The following SDK1 variants were observed in gnomAD, a reference collection of about 807,000 sequenced individuals.
SDK1 encodes sidekick cell adhesion molecule 1, also known as protein sidekick-1.
Under a neutral mutation model 245.5 loss-of-function variants are expected in SDK1, and 157 were observed. The observed-to-expected ratio is 0.64, with a 90% CI of 0.56 to 0.73. The LOEUF is 0.73. Among genes scored for constraint, SDK1 ranks in the 30% least tolerant of loss-of-function variants. SDK1 has a pLI of 0.00. For missense variants in SDK1, 3,583 were observed against 3,002.3 expected (o/e 1.19, Z -4.52); for synonymous variants, 1,647 against 1,278.5 (o/e 1.29, Z -6.15).
intron 4 of SDK1, among the ~76,000 whole-genome samples, chr7:3,764,166 T>A (rs1051045482): frequency 1.3e-5 from 2 of 152,142 alleles, no homozygotes; most frequent in Admixed American, 1.3e-4. Context: ...TCTCATTCTG[T>A]TGTGAATGGG....
chr7:3,762,168 C>A (rs1319618918), intron 4 of SDK1, among the ~76,000 whole-genome samples: 2 of 152,158 alleles, frequency 1.3e-5, no homozygotes, highest in African/African-American at 2.4e-5. Flanking sequence ...CTAAATACTC[C>A]TACAACAATC....
intron 1 of SDK1, among the ~76,000 whole-genome samples, chr7:3,529,403 T>C (rs1317581069): frequency 6.6e-6 from 1 of 152,148 alleles, no homozygotes; most frequent in African/African-American, 2.4e-5. Context: ...TGCTAGAAAG[T>C]AAGGAAACAC....
chr7:4,082,508 C>T (rs2128179821), intron 22 of SDK1, among the ~76,000 whole-genome samples: 1 of 148,068 alleles, frequency 6.8e-6, no homozygotes, highest in East Asian at 2.0e-4. Flanking sequence ...GTACTTCAGC[C>T]TGGGCAACAG....
chr7:4,066,609 C>T (rs1379399771), intron 19 of SDK1, among the ~76,000 whole-genome samples: 5 of 152,220 alleles, frequency 3.3e-5, no homozygotes, highest in Non-Finnish European at 5.9e-5. Context: ...CACCTATCTC[C>T]TCCAGATAGC....
intron 5 of SDK1, among the ~76,000 whole-genome samples, chr7:3,918,662 C>A (rs572568939): frequency 2.0e-5 from 3 of 152,148 alleles, no homozygotes; most frequent in South Asian, 4.2e-4. Flanking sequence ...ATCCCCCCGA[C>A]ATTGGTAGAA....
intron 4 of SDK1, among the ~76,000 whole-genome samples, chr7:3,771,037 C>G (rs888705970): frequency 6.6e-6 from 1 of 152,092 alleles, no homozygotes; most frequent in African/African-American, 2.4e-5. Flanking sequence ...CTTTGTTTGT[C>G]CCTTGCACTA....
At chr7:3,626,424 C>T (rs1782123455) in intron 2 of SDK1, among the ~76,000 whole-genome samples, 1 of 152,234 alleles carries the variant, frequency 6.6e-6, no homozygotes, top group Non-Finnish European at 1.5e-5. Context: ...ATTTTTCTTA[C>T]TGGACCAAGT....
chr7:3,946,687 G>A (rs987598868), intron 5 of SDK1, among the ~76,000 whole-genome samples: 17 of 152,104 alleles, frequency 1.1e-4, no homozygotes, highest in African/African-American at 4.1e-4. Context: ...GGATACTCTA[G>A]CTAAGTGAGG....
At chr7:3,519,163 G>C (rs1782846736) in intron 1 of SDK1, among the ~76,000 whole-genome samples, 1 of 152,076 alleles carries the variant, frequency 6.6e-6, no homozygotes, top group Non-Finnish European at 1.5e-5. Context: ...GGGATAGGGA[G>C]AGAGTTGTTA....
intron 1 of SDK1, among the ~76,000 whole-genome samples, chr7:3,489,750 G>A (rs1001985573): frequency 1.3e-5 from 2 of 152,184 alleles, no homozygotes; most frequent in African/African-American, 2.4e-5. Context: ...TGGTTTAACA[G>A]CATTGTGTGA....
intron 35 of SDK1, chr7:4,178,978 G>C (rs147975988): frequency 5.7e-6 from 1 of 176,214 alleles, no homozygotes; most frequent in Non-Finnish European, 1.2e-5. Context: ...TTCGGCAGTG[G>C]CCTGGTGACA....
At chr7:3,754,615 C>T (rs73304277) in intron 4 of SDK1, among the ~76,000 whole-genome samples, 1,813 of 151,976 alleles carry the variant, frequency 0.012, 38 homozygotes, top group African/African-American at 0.041. Context: ...CTCTTCCTGT[C>T]CCAGGGAAGT....
At chr7:3,497,451 A>C (rs1782059767) in intron 1 of SDK1, among the ~76,000 whole-genome samples, 1 of 152,190 alleles carries the variant, frequency 6.6e-6, no homozygotes, top group South Asian at 2.1e-4. Context: ...CTTTATTATG[A>C]AAGTGCTATG....
At chr7:3,841,642 C>T (rs1481673058) in intron 5 of SDK1, among the ~76,000 whole-genome samples, 1 of 151,950 alleles carries the variant, frequency 6.6e-6, no homozygotes, top group Non-Finnish European at 1.5e-5. Context: ...TCTCGGCTCA[C>T]TGCAACCTTC....
chr7:3,577,752 C>T (rs926200588), intron 1 of SDK1, among the ~76,000 whole-genome samples: 18 of 152,052 alleles, frequency 1.2e-4, no homozygotes, highest in African/African-American at 3.9e-4. Context: ...GTAACGAGTG[C>T]ACTGGCTTGC....
At chr7:3,907,264 T>C (rs1054018234) in intron 5 of SDK1, among the ~76,000 whole-genome samples, 1 of 152,186 alleles carries the variant, frequency 6.6e-6, no homozygotes, top group African/African-American at 2.4e-5. Flanking sequence ...AAACAGAAGC[T>C]CTGTACCTAT....
chr7:3,373,874 T>C (rs1045395774), intron 1 of SDK1, among the ~76,000 whole-genome samples: 6 of 152,084 alleles, frequency 3.9e-5, no homozygotes, highest in Admixed American at 1.3e-4. Flanking sequence ...TCATTCACAA[T>C]CACAAGCCCA....
intron 1 of SDK1, among the ~76,000 whole-genome samples, chr7:3,435,423 C>T (rs1263708647): frequency 2.0e-5 from 3 of 146,846 alleles, no homozygotes; most frequent in South Asian, 4.3e-4. Context: ...CTCTGCCTCC[C>T]GGGTTCAAGC....
chr7:3,342,354 C>T (rs373735003), intron 1 of SDK1, among the ~76,000 whole-genome samples: 16 of 151,888 alleles, frequency 1.1e-4, no homozygotes, highest in African/African-American at 1.9e-4. Context: ...TTTGGGAGGC[C>T]GAAGTGGGTG....
Sources: gnomAD v4.1 joint callset for allele counts (sites outside exome capture counted in the v4.1 genomes callset) on GRCh38, gnomAD v4.1.1 for gene constraint, MANE v1.5 for transcripts, NCBI Gene and HGNC (gene_info 2026-07-23, HGNC 2026-07-21) for gene names.